MTUS1: variants seen among roughly 807,000 people sequenced by gnomAD.
MTUS1 encodes microtubule associated scaffold protein 1, also known as microtubule-associated tumor suppressor 1.
MTUS1 carries 109 observed loss-of-function variants against 120.8 expected under a neutral mutation model. That is an observed-to-expected ratio of 0.90 (90% confidence interval 0.77 to 1.06). The LOEUF is 1.06. MTUS1 is among the 50% of genes least tolerant of loss of function. The pLI is 0.00. For synonymous variants in MTUS1, 737 were observed against 550.5 expected, an observed-to-expected ratio of 1.34 and a Z score of -4.74; for missense variants, 2,210 against 1,486.3, an observed-to-expected ratio of 1.49 and a Z score of -8.01.
At chr8:17,722,500 A>G (rs897125877) in intron 4 of MTUS1, 2 of 985,194 alleles carry the variant, frequency 2.0e-6, no homozygotes, top group Admixed American at 6.1e-5. Context: ...TAAAGCTGGT[A>G]ACAATCCTGT....
chr8:17,708,114 C>A (rs889386431), intron 6 of MTUS1, among the ~76,000 whole-genome samples: 1 of 152,180 alleles, frequency 6.6e-6, no homozygotes, highest in Admixed American at 6.5e-5. Flanking sequence ...TAAAGTGGAC[C>A]TTGTCAAAAT....
chr8:17,756,578 G>T (rs2048624528), intron 1 of MTUS1, among the ~76,000 whole-genome samples: 1 of 151,808 alleles, frequency 6.6e-6, no homozygotes, highest in African/African-American at 2.4e-5. Flanking sequence ...AGGCTCCAGT[G>T]GTACCCTGTT....
chr8:17,748,618 G>A (rs1294275061), intron 2 of MTUS1, among the ~76,000 whole-genome samples: 3 of 152,138 alleles, frequency 2.0e-5, no homozygotes, highest in Non-Finnish European at 4.4e-5. Flanking sequence ...ACCACCACCT[G>A]GGCACCACTG....
rs141655517 is a variant in MTUS1 at position 17,725,889 on chromosome 8, A to G, written c.2288-2056T>C. Among the ~76,000 whole-genome samples the G allele has an allele frequency of 1.3e-3, 200 of 152,244 alleles. 2 individuals carry two copies. Among genetic ancestry groups the G allele is most frequent in the African/African-American group, 4.7e-3 (195 of 41,532 alleles). On this transcript the variant is annotated intron_variant, in intron 3 of 14. Transcript: ENST00000693296. ...GGAAGCCAAAAGATTGCACACCCCA[A>G]TCTATAGGATGGTGATCGTAGTTTC...
Position 17,646,910 on chromosome 8 carries a change from C to T in MTUS1, c.3599+72G>A, listed in dbSNP as rs547567222. Reference sequence around the variant, plus strand: ...ATTTCCAGGAGGTGCAGGGGTAGAGCGTGTCCAGAAAGTACACTGGATGTC... The same window carrying T: ...ATTTCCAGGAGGTGCAGGGGTAGAGTGTGTCCAGAAAGTACACTGGATGTC... On this transcript the variant is annotated intron_variant, in intron 14 of 14. Transcript: ENST00000693296. 93 of 1,039,800 alleles carry T rather than the reference C, an allele frequency of 8.9e-5. No individual in the cohort carries two copies. In the South Asian group the frequency reaches 9.5e-4, roughly 11 times the overall value. The allele number at this position is 1,039,800 out of a possible 1,614,324, so 64.4% of individuals were successfully genotyped here. A position where few individuals can be genotyped will look rare whatever the true frequency, so the allele number is the denominator to read the frequency against.
chr8:17,736,951 A>G (rs975182286), intron 3 of MTUS1, among the ~76,000 whole-genome samples: 8 of 152,278 alleles, frequency 5.3e-5, no homozygotes, highest in African/African-American at 7.2e-5. Flanking sequence ...TAATCCCCTT[A>G]TTAGAATTTA....
intron 1 of MTUS1, among the ~76,000 whole-genome samples, chr8:17,757,102 C>T (rs187474062): frequency 1.8e-4 from 27 of 152,234 alleles, no homozygotes; most frequent in African/African-American, 6.0e-4. Context: ...GTACATGATT[C>T]TAAATAGAAG....
At chr8:17,742,920 G>A (rs991449017) in intron 3 of MTUS1, among the ~76,000 whole-genome samples, 1 of 152,124 alleles carries the variant, frequency 6.6e-6, no homozygotes, top group Non-Finnish European at 1.5e-5. Flanking sequence ...GAAGTAAGGT[G>A]GGTTCTTTGC....
Position 17,778,738 on chromosome 8 carries a change from G to C in MTUS1, c.-155+22323C>G, listed in dbSNP as rs141128217. 3.3e-5 allele frequency among the ~76,000 whole-genome samples: 5 copies of C among 152,160 alleles called. No individual in the cohort carries two copies. In the East Asian group the frequency reaches 7.7e-4, roughly 23 times the overall value. Reference sequence around the variant, plus strand: ...GTGGGAGGATCGTTTGGGCCCTGGAGGGGGAGGTTGCAGTGAGCTGAGATA... The same window carrying C: ...GTGGGAGGATCGTTTGGGCCCTGGACGGGGAGGTTGCAGTGAGCTGAGATA... On this transcript the variant is annotated intron_variant, in intron 1 of 14. Transcript: ENST00000693296.
At chr8:17,783,075 T>C (rs1266022253) in intron 1 of MTUS1, among the ~76,000 whole-genome samples, 1 of 146,252 alleles carries the variant, frequency 6.8e-6, no homozygotes, top group African/African-American at 2.5e-5. Context: ...TGAAATTCTG[T>C]CTCAAAACAA....
At chr8:17,738,339 G>C (rs894074400) in intron 3 of MTUS1, among the ~76,000 whole-genome samples, 15 of 152,206 alleles carry the variant, frequency 9.9e-5, no homozygotes, top group African/African-American at 2.9e-4. Flanking sequence ...GGCAGGGAGA[G>C]CATTCTGCGC....
At chr8:17,778,471 C>T (rs2050623888) in intron 1 of MTUS1, among the ~76,000 whole-genome samples, 1 of 152,192 alleles carries the variant, frequency 6.6e-6, no homozygotes, top group African/African-American at 2.4e-5. Flanking sequence ...TTGTACTATA[C>T]ACCCGAAAAG....
At position 17,797,930 on chromosome 8, in the gene MTUS1, C is replaced by T. The variant is rs145845994; in HGVS notation, c.-155+3131G>A. Among the ~76,000 whole-genome samples, 247 of 152,184 alleles carry T rather than the reference C, an allele frequency of 1.6e-3. 2 individuals are homozygous for T. The highest frequency in any genetic ancestry group is 5.4e-3 in the African/African-American group (226 of 41,512). On this transcript the variant is annotated intron_variant, in intron 1 of 14. Transcript: ENST00000693296. ...GAGATATCAGGAAGACGTGTTCCCCCGCCCCCCCAAATAAATACTTTGCTG... is the reference window on the plus strand; with the variant it reads ...GAGATATCAGGAAGACGTGTTCCCCTGCCCCCCCAAATAAATACTTTGCTG...
In MTUS1 at chr8:17,743,787, T is replaced by C. The variant is rs1272451664; in HGVS notation, c.2104A>G (p.Lys702Glu). The change falls in exon 3 of 15, where the codon AAA becomes GAA. Residue 702 changes from lysine to glutamate, a missense_variant. Transcript: ENST00000693296. Reference sequence around the variant, plus strand: ...TTCCTACCTGAGGTGGTCGTTGTTTTTGAAGCAGAGCCCTGTGAAAATAAC... The same window carrying C: ...TTCCTACCTGAGGTGGTCGTTGTTTCTGAAGCAGAGCCCTGTGAAAATAAC... ...YGSLFLGSAS[K>E]TTTTSGRNIS... is the part of the protein sequence containing the mutation. 4.3e-6 allele frequency: 7 copies of C among 1,613,764 alleles called. No individual in the cohort carries two copies. The highest frequency in any genetic ancestry group is 1.7e-5 in the Admixed American group (1 of 59,984).
chr8:17,775,764 C>A (rs1353415444), intron 1 of MTUS1, among the ~76,000 whole-genome samples: 1 of 152,214 alleles, frequency 6.6e-6, no homozygotes, highest in African/African-American at 2.4e-5. Context: ...AGGCACTGGG[C>A]AAACAGAGCT....
chr8:17,678,176 C>T (rs533641267), intron 7 of MTUS1, among the ~76,000 whole-genome samples: 2 of 152,280 alleles, frequency 1.3e-5, no homozygotes, highest in South Asian at 4.1e-4. Context: ...TTGGCCTTTA[C>T]ATGTACTTAC....
intron 2 of MTUS1, among the ~76,000 whole-genome samples, chr8:17,748,893 G>C (rs903475341): frequency 6.6e-6 from 1 of 152,114 alleles, no homozygotes; most frequent in Admixed American, 6.5e-5. Context: ...CCCAATAAAT[G>C]TTTCTATTCT....
chr8:17,754,700 T>C lies in MTUS1; in HGVS notation c.1108A>G (p.Lys370Glu), dbSNP rs764495842. The C allele has an allele frequency of 6.2e-7, 1 of 1,614,258 alleles. No homozygotes were observed. Among genetic ancestry groups the C allele is most frequent in the Non-Finnish European group, 8.5e-7 (1 of 1,180,048 alleles). The change falls in exon 2 of 15, where the codon AAA becomes GAA. Residue 370 changes from lysine to glutamate, a missense_variant. By Grantham distance (56) the Lys-to-Glu change is moderately conservative. Transcript: ENST00000693296. ...SEAQVLNPEH[K>E]VTETEDTQMV... ...TGTGTGTCTTCAGTCTCAGTGACTT[T>C]ATGCTCTGGGTTCAGCACTTGAGCT... is the stretch of plus-strand genomic sequence containing the variant.
intron 1 of MTUS1, among the ~76,000 whole-genome samples, chr8:17,777,121 A>AC (rs1289777760): frequency 6.6e-6 from 1 of 151,784 alleles, no homozygotes; most frequent in East Asian, 1.9e-4. Context: ...CAATTTTCCC[A>AC]CCCCCAGCAT....
Sources: gnomAD v4.1 joint callset for allele counts (sites outside exome capture counted in the v4.1 genomes callset) on GRCh38, gnomAD v4.1.1 for gene constraint, MANE v1.5 for transcripts, NCBI Gene and HGNC (gene_info 2026-07-23, HGNC 2026-07-21) for gene names.